Variants in CEP63 observed in about 807,000 individuals in gnomAD.
The protein encoded by CEP63 is centrosomal protein 63.
CEP63 carries 84 observed loss-of-function variants against 89.1 expected under a neutral mutation model. That is an observed-to-expected ratio of 0.94 (90% confidence interval 0.79 to 1.13). CEP63 has a LOEUF of 1.13. Ranked by LOEUF, CEP63 falls within the 50% of genes most tolerant of loss-of-function variation. CEP63 has a pLI of 0.00. For missense variants in CEP63, 838 were observed against 813.3 expected (o/e 1.03, Z -0.37); for synonymous variants, 267 against 272.5 (o/e 0.98, Z 0.20).
At chr3:134,496,921 C>T (rs1190572727) in intron 2 of CEP63, among the ~76,000 whole-genome samples, 1 of 152,002 alleles carries the variant, frequency 6.6e-6, no homozygotes, top group Non-Finnish European at 1.5e-5. Context: ...CTTTTGTCCA[C>T]ATCCCCCCCA....
the CEP63 span, among the ~76,000 whole-genome samples, chr3:134,760,058 CTTT>C: frequency 4.6e-5 from 6 of 131,168 alleles, no homozygotes; most frequent in Admixed American, 7.8e-5. Flanking sequence ...AGAGCACTTT[CTTT>C]TTTTTTTTTT....
At chr3:134,611,451 T>A in the CEP63 span, among the ~76,000 whole-genome samples, 2 of 152,234 alleles carry the variant, frequency 1.3e-5, no homozygotes, top group African/African-American at 4.8e-5. Context: ...GGATGGACTG[T>A]GCAGACAATT....
chr3:134,674,150 GT>G, the CEP63 span, among the ~76,000 whole-genome samples: 1 of 152,200 alleles, frequency 6.6e-6, no homozygotes, highest in African/African-American at 2.4e-5. Flanking sequence ...ACTTCCAGCT[GT>G]AGAAAGTCAT....
At chr3:134,496,432 G>GT (rs1491530045) in intron 2 of CEP63, among the ~76,000 whole-genome samples, 1 of 1,154 alleles carries the variant, frequency 8.7e-4, no homozygotes, top group Non-Finnish European at 3.2e-3. Flanking sequence ...AGAAAAAAAA[G>GT]GGGGGGGGGG....
the CEP63 span, among the ~76,000 whole-genome samples, chr3:134,642,152 C>T: frequency 6.6e-6 from 1 of 152,170 alleles, no homozygotes; most frequent in Non-Finnish European, 1.5e-5. Flanking sequence ...TGCTGGTAAT[C>T]CCAGTTGGCT....
At chr3:134,708,390 G>A in the CEP63 span, among the ~76,000 whole-genome samples, 2 of 152,246 alleles carry the variant, frequency 1.3e-5, no homozygotes, top group African/African-American at 2.4e-5. Context: ...ATGTGTCATT[G>A]AGGAAATGAG....
At chr3:134,538,772 G>T (rs1010868330) in intron 6 of CEP63, among the ~76,000 whole-genome samples, 5 of 151,030 alleles carry the variant, frequency 3.3e-5, no homozygotes, top group Non-Finnish European at 7.4e-5. Context: ...AGCAAATTGA[G>T]TCTTAATTTT....
the CEP63 span, among the ~76,000 whole-genome samples, chr3:134,751,683 G>GTTTATCTACCCTGTGGCT: frequency 2.2e-4 from 33 of 152,144 alleles, no homozygotes; most frequent in African/African-American, 8.0e-4. Context: ...GGAAGGGGTA[G>GTTTATCTACCCTGTGGCT]GTATGTTTAT....
chr3:134,664,106 C>T, the CEP63 span, among the ~76,000 whole-genome samples: 1 of 152,154 alleles, frequency 6.6e-6, no homozygotes, highest in Non-Finnish European at 1.5e-5. Context: ...CTGGCCTCCT[C>T]CGGCATCTGG....
chr3:134,533,866 C>A (rs542219148), intron 5 of CEP63, among the ~76,000 whole-genome samples: 10 of 152,262 alleles, frequency 6.6e-5, no homozygotes, highest in African/African-American at 2.4e-4. Flanking sequence ...ATTATAATTT[C>A]TGTGTTTAAT....
the CEP63 span, among the ~76,000 whole-genome samples, chr3:134,695,752 C>T: frequency 0.15 from 23,364 of 152,230 alleles, 2,248 homozygotes; most frequent in Non-Finnish European, 0.21. Context: ...CATGATGGCC[C>T]GAGCACTGGA....
At chr3:134,644,703 C>G in the CEP63 span, among the ~76,000 whole-genome samples, 1 of 152,208 alleles carries the variant, frequency 6.6e-6, no homozygotes, top group East Asian at 1.9e-4. Context: ...GCAGATCAGC[C>G]GCTCAGTGGT....
At chr3:134,526,987 G>T (rs1342605746) in intron 3 of CEP63, among the ~76,000 whole-genome samples, 1 of 152,104 alleles carries the variant, frequency 6.6e-6, no homozygotes, top group African/African-American at 2.4e-5. Context: ...TGCATTGGGG[G>T]GTCAGAGTGC....
chr3:134,738,967 A>AAT, the CEP63 span, among the ~76,000 whole-genome samples: 4 of 8,506 alleles, frequency 4.7e-4, no homozygotes, highest in Non-Finnish European at 6.9e-4. Context: ...TGGCTATAAT[A>AAT]AAAAAAAAAA....
At chr3:134,616,159 T>C in the CEP63 span, among the ~76,000 whole-genome samples, 18 of 152,096 alleles carry the variant, frequency 1.2e-4, no homozygotes, top group Admixed American at 1.2e-3. Context: ...AAGAGAGACA[T>C]TAATGTTGGA....
chr3:134,520,998 C>G (rs954390965), intron 3 of CEP63, among the ~76,000 whole-genome samples: 6 of 151,938 alleles, frequency 3.9e-5, no homozygotes, highest in African/African-American at 1.4e-4. Flanking sequence ...TAAAAGGTTA[C>G]TAATTTAGAC....
chr3:134,489,339 A>G (rs561945820), intron 1 of CEP63, among the ~76,000 whole-genome samples: 6 of 152,118 alleles, frequency 3.9e-5, no homozygotes, highest in African/African-American at 1.4e-4. Context: ...TTTCACCCTT[A>G]TATTTGTTTT....
rs149107325 is a variant in CEP63, at chr3:134,526,609, C to G, written c.223-5236C>G. On this transcript the variant is annotated intron_variant, in intron 3 of 14. Transcript: ENST00000675561. ...CTGAATTATATTTCTGTCATTTCAGCCATCTTAGCCCAGTTCTGAACCCTT... is the reference window on the plus strand; with the variant it reads ...CTGAATTATATTTCTGTCATTTCAGGCATCTTAGCCCAGTTCTGAACCCTT... 1.2e-4 allele frequency among the ~76,000 whole-genome samples: 18 copies of G among 152,234 alleles called. No individual in the cohort carries two copies. The East Asian group carries it at 3.3e-3, about 28-fold the overall frequency.
chr3:134,599,160 G>A, the CEP63 span, among the ~76,000 whole-genome samples: 1 of 152,232 alleles, frequency 6.6e-6, no homozygotes, highest in Non-Finnish European at 1.5e-5. Flanking sequence ...TCTCCGGACT[G>A]GAAGGGACAT....
Sources: allele counts gnomAD v4.1 joint callset (sites outside exome capture counted in the v4.1 genomes callset), GRCh38; gene constraint gnomAD v4.1.1; transcripts MANE v1.5; gene names NCBI Gene and HGNC (gene_info 2026-07-23, HGNC 2026-07-21).